The following PPM1L variants were observed in gnomAD, a reference collection of about 807,000 sequenced individuals.
PPM1L encodes protein phosphatase, Mg2+/Mn2+ dependent 1L, also known as protein phosphatase 1L.
A neutral mutation model predicts 31.4 loss-of-function variants in PPM1L; 13 were observed. That is an observed-to-expected ratio of 0.41 (90% confidence interval 0.27 to 0.66). PPM1L has a LOEUF of 0.66. Ranked by LOEUF, PPM1L falls within the 30% of genes least tolerant of loss-of-function variation. The pLI is 0.29. For synonymous variants in PPM1L, 184 were observed against 175.4 expected (o/e 1.05, Z -0.39); for missense variants, 326 against 453.7 (o/e 0.72, Z 2.56).
chr3:160,778,740 A>G (rs1173889454), intron 1 of PPM1L, among the ~76,000 whole-genome samples: 2 of 152,150 alleles, frequency 1.3e-5, no homozygotes, highest in African/African-American at 4.8e-5. Flanking sequence ...AAAGTTGTCC[A>G]ATGTGTAGAG....
At chr3:160,945,121 C>CA (rs1559897810) in intron 1 of PPM1L, among the ~76,000 whole-genome samples, 49 of 15,854 alleles carry the variant, frequency 3.1e-3, no homozygotes, top group Middle Eastern at 0.028. Context: ...TGTTATCTAT[C>CA]TATCTATCTA....
intron 1 of PPM1L, among the ~76,000 whole-genome samples, chr3:160,767,092 G>A (rs1371343014): frequency 1.3e-5 from 2 of 152,162 alleles, no homozygotes; most frequent in Non-Finnish European, 2.9e-5. Context: ...AACTTTTCTA[G>A]TTTGTACAGA....
intron 1 of PPM1L, among the ~76,000 whole-genome samples, chr3:160,885,649 G>A (rs1188181454): frequency 6.6e-6 from 1 of 152,256 alleles, no homozygotes; most frequent in Non-Finnish European, 1.5e-5. Context: ...CCACAGCCAA[G>A]GGAGGCAGTG....
chr3:160,925,662 C>G (rs1019058496), intron 1 of PPM1L, among the ~76,000 whole-genome samples: 2 of 152,004 alleles, frequency 1.3e-5, no homozygotes. Context: ...TTTGAGAATA[C>G]CTTATGGTTT....
chr3:160,914,772 C>T (rs901172607), intron 1 of PPM1L, among the ~76,000 whole-genome samples: 7 of 152,076 alleles, frequency 4.6e-5, no homozygotes, highest in Admixed American at 6.6e-5. Context: ...GTCTTTATAG[C>T]AGCATGATTT....
At chr3:160,977,389 G>C (rs1215001064) in intron 2 of PPM1L, among the ~76,000 whole-genome samples, 1 of 152,150 alleles carries the variant, frequency 6.6e-6, no homozygotes, top group Non-Finnish European at 1.5e-5. Context: ...GCCAAGTTCT[G>C]GCTACGTGCC....
intron 1 of PPM1L, among the ~76,000 whole-genome samples, chr3:160,855,120 G>A: frequency 6.6e-6 from 1 of 152,058 alleles, no homozygotes; most frequent in East Asian, 1.9e-4. Context: ...AACAAGCAAT[G>A]GAGAAAGGAC....
At chr3:160,854,849 A>G (rs1454774298) in intron 1 of PPM1L, among the ~76,000 whole-genome samples, 7 of 151,160 alleles carry the variant, frequency 4.6e-5, no homozygotes, top group Admixed American at 2.0e-4. Flanking sequence ...AAAGAATTAG[A>G]AAAAAACTAT....
At chr3:160,972,201 T>C (rs1716365437) in intron 2 of PPM1L, among the ~76,000 whole-genome samples, 1 of 149,472 alleles carries the variant, frequency 6.7e-6, no homozygotes, top group Non-Finnish European at 1.5e-5. Flanking sequence ...TCAGACTTAA[T>C]CTTTTTTTTT....
intron 1 of PPM1L, among the ~76,000 whole-genome samples, chr3:160,910,504 G>A (rs1349809003): frequency 2.0e-5 from 3 of 152,058 alleles, no homozygotes; most frequent in Non-Finnish European, 4.4e-5. Context: ...TAGAGACGGG[G>A]TTTTGCCATG....
intron 2 of PPM1L, among the ~76,000 whole-genome samples, chr3:160,982,163 C>T (rs976249727): frequency 1.3e-5 from 2 of 152,220 alleles, no homozygotes; most frequent in Non-Finnish European, 2.9e-5. Flanking sequence ...ATTATTTAGA[C>T]TCAGCATCCT....
rs150239949 is a variant in PPM1L, at chr3:161,011,924, C to T, written c.574+50014C>T. Reference sequence around the variant, plus strand: ...AGCTTAAGGAGATTTTGGGCTGAGACGATGGGGTTTTCTAAATATACAATC... The same window carrying T: ...AGCTTAAGGAGATTTTGGGCTGAGATGATGGGGTTTTCTAAATATACAATC... On this transcript the variant is annotated intron_variant, in intron 2 of 3. Transcript: ENST00000498165. Among the ~76,000 whole-genome samples, 728 of 152,230 alleles carry T rather than the reference C, an allele frequency of 4.8e-3. 7 individuals are homozygous for T. The highest frequency in any genetic ancestry group is 0.016 in the African/African-American group (682 of 41,528).
chr3:160,955,885 A>G (rs1033966145), intron 1 of PPM1L, among the ~76,000 whole-genome samples: 1 of 151,516 alleles, frequency 6.6e-6, no homozygotes, highest in African/African-American at 2.4e-5. Context: ...CCATCTCCTG[A>G]CCTCATGATC....
At chr3:160,936,506 G>GT (rs1714978723) in intron 1 of PPM1L, among the ~76,000 whole-genome samples, 2 of 152,296 alleles carry the variant, frequency 1.3e-5, no homozygotes, top group South Asian at 4.1e-4. Flanking sequence ...TAAAACAGCT[G>GT]TAAGTGCATA....
intron 1 of PPM1L, among the ~76,000 whole-genome samples, chr3:160,823,490 G>C (rs552718078): frequency 6.6e-6 from 1 of 151,664 alleles, no homozygotes; most frequent in African/African-American, 2.4e-5. Flanking sequence ...TGGCATTACA[G>C]GCATGAACCA....
intron 2 of PPM1L, among the ~76,000 whole-genome samples, chr3:161,046,201 TAAAG>T (rs775733014): frequency 5.1e-5 from 7 of 137,648 alleles, no homozygotes; most frequent in African/African-American, 1.7e-4. Context: ...GCAAGACTAA[TAAAG>T]AAGAAAAGAG....
At chr3:161,036,853 T>C (rs1462038276) in intron 2 of PPM1L, among the ~76,000 whole-genome samples, 1 of 152,210 alleles carries the variant, frequency 6.6e-6, no homozygotes, top group East Asian at 1.9e-4. Context: ...GACAAGTCCG[T>C]TTTTCCTGCC....
chr3:161,025,731 G>C (rs1044976956), intron 2 of PPM1L, among the ~76,000 whole-genome samples: 48 of 152,224 alleles, frequency 3.2e-4, no homozygotes, highest in African/African-American at 1.1e-3. Context: ...ATTAATTTCT[G>C]TTCTTTATAA....
chr3:161,075,489 A>G lies in PPM1L; in HGVS notation c.*6332A>G, dbSNP rs1720069390. 1 of 152,236 alleles carries G rather than the reference A, an allele frequency of 6.6e-6. No individual in the cohort carries two copies. The highest frequency in any genetic ancestry group is 2.1e-4 in the South Asian group (1 of 4,836). 9.4% of individuals were successfully genotyped at this position (152,236 alleles called of 1,614,324 possible). On this transcript the variant is annotated 3_prime_UTR_variant, in exon 4 of 4. Coordinates refer to ENST00000498165, the MANE Select transcript of PPM1L (RefSeq NM_139245.4). ...TGGTTAATGCTTTGCTTATTTGTTA[A>G]TGAAGACAGCATTTTAATTTTAAAG...
Sources: allele counts gnomAD v4.1 joint callset (sites outside exome capture counted in the v4.1 genomes callset), GRCh38; gene constraint gnomAD v4.1.1; transcripts MANE v1.5; gene names NCBI Gene and HGNC (gene_info 2026-07-23, HGNC 2026-07-21).